Variants in IQGAP2 observed in about 807,000 individuals in gnomAD.
IQGAP2 encodes IQ motif containing GTPase activating protein 2, also known as ras GTPase-activating-like protein IQGAP2.
A neutral mutation model predicts 201.3 loss-of-function variants in IQGAP2; 173 were observed. That is an observed-to-expected ratio of 0.86 (90% CI 0.76 to 0.98). IQGAP2 has a LOEUF of 0.98. IQGAP2 is among the 50% of genes least tolerant of loss of function. The pLI, the probability that IQGAP2 is intolerant of heterozygous loss-of-function variation, is 0.00. For missense variants in IQGAP2, 1,687 were observed against 1,864.8 expected (o/e 0.90, Z 1.76); for synonymous variants, 675 against 673.9 (o/e 1.00, Z -0.03).
chr5:76,683,658 C>T, intron 29 of IQGAP2, 118 bp from the exon 30 acceptor site: 2 of 897,616 alleles, frequency 2.2e-6, no homozygotes, highest in South Asian at 4.5e-5. Flanking sequence ...TTGTAAAGAC[C>T]ATGATCTCCC....
chr5:76,446,654 A>T (rs983375533), intron 1 of IQGAP2, among the ~76,000 whole-genome samples: 6 of 152,152 alleles, frequency 3.9e-5, no homozygotes, highest in African/African-American at 1.2e-4. Context: ...AAGGCAAGTC[A>T]TAGGTAGTAA....
intron 2 of IQGAP2, among the ~76,000 whole-genome samples, chr5:76,493,398 T>C (rs1224055059): frequency 6.6e-6 from 1 of 151,800 alleles, no homozygotes; most frequent in Non-Finnish European, 1.5e-5. Flanking sequence ...CCTGTGTGTC[T>C]CCATGTCTGA....
intron 1 of IQGAP2, among the ~76,000 whole-genome samples, chr5:76,409,323 T>G (rs1750978805): frequency 7.3e-6 from 1 of 137,636 alleles, no homozygotes; most frequent in African/African-American, 2.8e-5. Flanking sequence ...CTCAGCTCAC[T>G]GCAACCTCTG....
At chr5:76,630,130 G>C (rs562927986) in intron 14 of IQGAP2, among the ~76,000 whole-genome samples, 10 of 152,170 alleles carry the variant, frequency 6.6e-5, no homozygotes, top group African/African-American at 9.7e-5. Context: ...CAAGTCACAA[G>C]GCAGTAAAGT....
chr5:76,409,616 A>T (rs1421863899), intron 1 of IQGAP2, among the ~76,000 whole-genome samples: 2 of 152,160 alleles, frequency 1.3e-5, no homozygotes, highest in Non-Finnish European at 2.9e-5. Context: ...GAAACATCCC[A>T]TCTCTTACTG....
intron 9 of IQGAP2, among the ~76,000 whole-genome samples, chr5:76,594,675 C>G (rs1032841416): frequency 6.6e-6 from 1 of 152,030 alleles, no homozygotes; most frequent in African/African-American, 2.4e-5. Flanking sequence ...CTTTAAAATA[C>G]GTAAGAATCA....
intron 2 of IQGAP2, among the ~76,000 whole-genome samples, chr5:76,517,124 A>G (rs1318900606): frequency 6.6e-6 from 1 of 152,182 alleles, no homozygotes; most frequent in Non-Finnish European, 1.5e-5. Context: ...TCTGCCAAGG[A>G]AAACTAAATA....
intron 1 of IQGAP2, among the ~76,000 whole-genome samples, chr5:76,417,226 T>G (rs536504164): frequency 6.6e-6 from 1 of 152,254 alleles, no homozygotes; most frequent in South Asian, 2.1e-4. Flanking sequence ...TGAAACGGGT[T>G]TATCATTTAA....
intron 5 of IQGAP2, among the ~76,000 whole-genome samples, chr5:76,584,553 G>A (rs1746110472): frequency 6.6e-6 from 1 of 152,126 alleles, no homozygotes; most frequent in African/African-American, 2.4e-5. Context: ...GTGAGCAATC[G>A]TCAGCCTAGG....
intron 2 of IQGAP2, among the ~76,000 whole-genome samples, chr5:76,509,982 TTC>T (rs1210996530): frequency 3.0e-5 from 2 of 67,000 alleles, no homozygotes; most frequent in Non-Finnish European, 6.3e-5. Context: ...TTAATTTTCT[TTC>T]TTTTTTTTTT....
intron 2 of IQGAP2, among the ~76,000 whole-genome samples, chr5:76,535,006 G>C (rs1054568299): frequency 2.0e-4 from 30 of 152,182 alleles, no homozygotes; most frequent in Non-Finnish European, 3.8e-4. Context: ...GTTGGAGCGT[G>C]GCATGTTCTA....
At chr5:76,572,135 G>C (rs1420897372) in intron 4 of IQGAP2, among the ~76,000 whole-genome samples, 3 of 151,870 alleles carry the variant, frequency 2.0e-5, no homozygotes, top group Admixed American at 2.0e-4. Context: ...GAGTCACATC[G>C]TTTCCACTCT....
At chr5:76,463,397 G>A (rs1736699067) in intron 2 of IQGAP2, among the ~76,000 whole-genome samples, 1 of 152,236 alleles carries the variant, frequency 6.6e-6, no homozygotes, top group South Asian at 2.1e-4. Flanking sequence ...TTACCTGTGG[G>A]AAGTTCAATT....
rs142296855 is a variant in IQGAP2 at position 76,677,256 on chromosome 5, A to C, written c.3566A>C (p.Glu1189Ala). 466 of 1,613,404 alleles carry C rather than the reference A, an allele frequency of 2.9e-4. No individual in the cohort carries two copies. Among genetic ancestry groups the C allele is most frequent in the Non-Finnish European group, 3.8e-4 (452 of 1,179,620 alleles). ...GAAGCATGTAATGTCCCTGAGCCAG[A>C]AGAGAAGTTTAATATGGACAAATAC... ...FKEACNVPEP[E>A]EKFNMDKYTD... The change falls in exon 28 of 36, where the codon GAA (glutamate) becomes GCA (alanine). Residue 1189 changes from glutamate (E) to alanine (A), a missense_variant. Transcript: ENST00000274364.
In IQGAP2 at chr5:76,403,671, A is replaced by G; in HGVS notation, c.46+80A>G. On this transcript the variant is annotated intron_variant, in intron 1 of 35. Coordinates refer to ENST00000274364, the MANE Select transcript of IQGAP2 (RefSeq NM_006633.5). This position sits in a 1 kb window ranked among gnomAD's most constrained non-coding sequence, Gnocchi z 4.8. ...AGGACGGCGTTGGAGAAGCCGAGGG[A>G]GCCGGTTGCGCGGCGCAGAGGAAAT... 1 of 1,241,054 alleles carries G rather than the reference A, an allele frequency of 8.1e-7. No homozygotes were observed. The highest frequency in any genetic ancestry group is 1.1e-6 in the Non-Finnish European group (1 of 932,878). The allele number at this position is 1,241,054 out of a possible 1,614,324, so 76.9% of individuals were successfully genotyped here. A position where few individuals can be genotyped will look rare whatever the true frequency, so the allele number is the denominator to read the frequency against.
intron 22 of IQGAP2, among the ~76,000 whole-genome samples, chr5:76,666,765 A>G (rs1031230609): frequency 2.6e-5 from 4 of 152,136 alleles, no homozygotes; most frequent in Admixed American, 6.5e-5. Flanking sequence ...TTTTGTAGAG[A>G]CAAGATGTCA....
rs187600198 is a variant in IQGAP2 at position 76,501,514 on chromosome 5, G to C, written c.146+39845G>C. Among the ~76,000 whole-genome samples the C allele has an allele frequency of 6.7e-4, 102 of 152,064 alleles. 1 individual carries two copies. The highest frequency in any genetic ancestry group is 5.4e-3 in the East Asian group (28 of 5,182). ...TTTTATTTGAAGAGTCTATAGTGTT[G>C]GGTTGTCTGGTGTTCCCCCTTATCC... On this transcript the variant is annotated intron_variant, in intron 2 of 35. Coordinates refer to ENST00000274364, the MANE Select transcript of IQGAP2 (RefSeq NM_006633.5).
chr5:76,664,892 G>A (rs1287224546), intron 21 of IQGAP2, 134 bp from the exon 22 acceptor site: 1 of 592,098 alleles, frequency 1.7e-6, no homozygotes, highest in Non-Finnish European at 3.0e-6. Context: ...TATCTGTGAA[G>A]CACAGTAAAG....
chr5:76,652,687 C>T (rs1580728526), intron 17 of IQGAP2, 63 bp from the exon 18 acceptor site: 2 of 1,154,598 alleles, frequency 1.7e-6, no homozygotes, highest in East Asian at 4.7e-5. Flanking sequence ...TCTGCTCTTG[C>T]ACTTCCTAGA....
Sources: allele counts gnomAD v4.1 joint callset (sites outside exome capture counted in the v4.1 genomes callset), GRCh38; gene constraint gnomAD v4.1.1; non-coding constraint Gnocchi (gnomAD v3.1); transcripts MANE v1.5; gene names NCBI Gene and HGNC (gene_info 2026-07-23, HGNC 2026-07-21).